TTLL5: variants seen among roughly 807,000 people sequenced by gnomAD.
TTLL5 encodes the protein tubulin tyrosine ligase like 5.
TTLL5 carries 132 observed loss-of-function variants against 168.4 expected under a neutral mutation model. The observed-to-expected ratio is 0.78, with a 90% confidence interval of 0.68 to 0.91. The LOEUF (loss-of-function observed/expected upper bound fraction) is 0.91. Among genes scored for constraint, TTLL5 ranks in the 40% least tolerant of loss-of-function variants. The pLI is 0.00. For missense variants in TTLL5, 1,545 were observed against 1,581.5 expected, an observed-to-expected ratio of 0.98 and a Z score of 0.39; for synonymous variants, 546 against 558.6, an observed-to-expected ratio of 0.98 and a Z score of 0.32.
Position 75,713,049 on chromosome 14 carries a change from A to G in TTLL5, c.741-4812A>G, listed in dbSNP as rs781368345. Among the ~76,000 whole-genome samples, 31 of 152,298 alleles carry G rather than the reference A, an allele frequency of 2.0e-4. No individual in the cohort carries two copies. The Middle Eastern group carries it at 0.01, about 50-fold the overall frequency. ...AAAGCCTTAAAGGTCTGTCGTGAGA[A>G]CTTTCCTAAATCTTGATCTCATTAA... On this transcript the variant is annotated intron_variant, in intron 9 of 31. Transcript: ENST00000298832.
chr14:75,720,108 C>T (rs1887747734), intron 11 of TTLL5, among the ~76,000 whole-genome samples: 1 of 152,146 alleles, frequency 6.6e-6, no homozygotes, highest in Non-Finnish European at 1.5e-5. Flanking sequence ...ATATGGTCAG[C>T]TTTTTATATA....
At chr14:75,843,877 G>GTTTTATTTTATTTTATTTTA (rs1555350794) in intron 28 of TTLL5, among the ~76,000 whole-genome samples, 6,335 of 130,620 alleles carry the variant, frequency 0.048, 312 homozygotes, top group Non-Finnish European at 0.065. Context: ...GTTTTGTTTT[G>GTTTTATTTTATTTTATTTTA]TTTTATTTTA....
At chr14:75,866,828 C>T (rs757968897) in intron 29 of TTLL5, among the ~76,000 whole-genome samples, 2 of 152,180 alleles carry the variant, frequency 1.3e-5, no homozygotes, top group Non-Finnish European at 2.9e-5. Context: ...ACTTAATCCA[C>T]TCCTGCAAAA....
intron 28 of TTLL5, among the ~76,000 whole-genome samples, chr14:75,849,876 G>A (rs375071820): frequency 1.3e-5 from 2 of 152,112 alleles, no homozygotes; most frequent in Non-Finnish European, 2.9e-5. Context: ...TGAAGCAGGT[G>A]GATTGCTTGA....
At chr14:75,842,764 A>G (rs1364084586) in intron 28 of TTLL5, among the ~76,000 whole-genome samples, 1 of 152,170 alleles carries the variant, frequency 6.6e-6, no homozygotes, top group African/African-American at 2.4e-5. Context: ...TGGGAACCAA[A>G]TGTTGGCTAG....
chr14:75,742,017 A>G (rs1889304849), intron 15 of TTLL5, among the ~76,000 whole-genome samples: 1 of 152,216 alleles, frequency 6.6e-6, no homozygotes, highest in South Asian at 2.1e-4. Flanking sequence ...ATACCCAGGA[A>G]TTGGAAGTTC....
chr14:75,922,849 C>T lies in TTLL5; in HGVS notation c.3823+20625C>T, dbSNP rs147154262. On this transcript the variant is annotated intron_variant, in intron 31 of 31. Transcript: ENST00000298832. Reference sequence around the variant, plus strand: ...CTCTGGTAGAATTCGGCTGTGAGTCCGACAGGTCCTGGACTTTTTTTGGTT... The same window carrying T: ...CTCTGGTAGAATTCGGCTGTGAGTCTGACAGGTCCTGGACTTTTTTTGGTT... 6.1e-3 allele frequency among the ~76,000 whole-genome samples: 921 copies of T among 152,172 alleles called. 9 individuals carry two copies. Among genetic ancestry groups the T allele is most frequent in the African/African-American group, 0.02 (829 of 41,494 alleles).
At position 75,677,388 on chromosome 14, in the gene TTLL5, CTCTTT is replaced by C. The variant is rs1264608125; in HGVS notation, c.182-4155_182-4151del. Among the ~76,000 whole-genome samples, 3 of 135,330 alleles carry C rather than the reference CTCTTT, an allele frequency of 2.2e-5. No homozygotes were observed. In the Admixed American group the frequency reaches 2.4e-4, roughly 11 times the overall value. 88.8% of individuals were successfully genotyped at this position (135,330 alleles called of 152,430 possible). ...CTAGAGATTCTCTTTCTCTCTCTCT[CTCTTT>C]TTTTTTTTTTTTTTTTTTTTGAGAC... On this transcript the variant is annotated intron_variant, in intron 3 of 31. Coordinates refer to ENST00000298832, the MANE Select transcript of TTLL5 (RefSeq NM_015072.5).
At chr14:75,771,167 A>G (rs944070021) in intron 20 of TTLL5, among the ~76,000 whole-genome samples, 2 of 152,256 alleles carry the variant, frequency 1.3e-5, no homozygotes, top group Admixed American at 6.5e-5. Flanking sequence ...TCAGGCCTAT[A>G]TGTAATCCCA....
intron 15 of TTLL5, 145 bp from the exon 16 acceptor site, chr14:75,744,950 T>G: frequency 1.5e-6 from 1 of 656,626 alleles, no homozygotes; most frequent in Non-Finnish European, 2.5e-6. Flanking sequence ...GGTTCCAGGC[T>G]GAGATTAATT....
intron 18 of TTLL5, among the ~76,000 whole-genome samples, chr14:75,760,509 A>G (rs1417934627): frequency 1.3e-5 from 2 of 152,100 alleles, no homozygotes; most frequent in South Asian, 2.1e-4. Flanking sequence ...ATATTCAAAT[A>G]CAAAGGACTC....
intron 27 of TTLL5, among the ~76,000 whole-genome samples, chr14:75,816,401 ACT>A (rs1894398996): frequency 6.6e-6 from 1 of 152,104 alleles, no homozygotes. Context: ...ACAGAGTGAG[ACT>A]CTGTCTCCAA....
chr14:75,675,271 T>A (rs1884052599), intron 3 of TTLL5, among the ~76,000 whole-genome samples: 1 of 152,230 alleles, frequency 6.6e-6, no homozygotes, highest in Non-Finnish European at 1.5e-5. Context: ...TATGTTGCCA[T>A]TAAAGGAGTT....
In TTLL5 at chr14:75,720,168, A is replaced by T. The variant is rs561842484; in HGVS notation, c.934+342A>T. Among the ~76,000 whole-genome samples, 11 of 152,286 alleles carry T rather than the reference A, an allele frequency of 7.2e-5. No individual in the cohort carries two copies. The South Asian group carries it at 2.1e-3, about 29-fold the overall frequency. ...CCCCAAGTTTCGAGTTTTCTAAGTT[A>T]ATCTCTCTCATTCATGTTGCTGAGT... On this transcript the variant is annotated intron_variant, in intron 11 of 31. Transcript: ENST00000298832.
chr14:75,825,401 T>C (rs1170401237), intron 28 of TTLL5, among the ~76,000 whole-genome samples: 1 of 152,132 alleles, frequency 6.6e-6, no homozygotes, highest in Non-Finnish European at 1.5e-5. Flanking sequence ...AAGAGACTCT[T>C]CCTTTTTCTT....
chr14:75,715,513 T>G (rs951231819), intron 9 of TTLL5, among the ~76,000 whole-genome samples: 2 of 152,116 alleles, frequency 1.3e-5, no homozygotes, highest in East Asian at 3.9e-4. Flanking sequence ...TTATTTACTA[T>G]GGATTTTAGT....
rs149298288 is a variant in TTLL5 at position 75,800,408 on chromosome 14, G to A, written c.3171+7308G>A. Among the ~76,000 whole-genome samples the A allele has an allele frequency of 4.2e-3, 643 of 151,926 alleles. 8 individuals carry two copies. The highest frequency in any genetic ancestry group is 0.015 in the African/African-American group (603 of 41,434). On this transcript the variant is annotated intron_variant, in intron 27 of 31. Coordinates refer to ENST00000298832, the MANE Select transcript of TTLL5 (RefSeq NM_015072.5). ...TTATTTTTTTAGTTTCTTTAAATTGGTTTCCACCTTTCCCTGGTGCCTCCT... is the reference window on the plus strand; with the variant it reads ...TTATTTTTTTAGTTTCTTTAAATTGATTTCCACCTTTCCCTGGTGCCTCCT...
At chr14:75,748,804 G>C (rs1373133485) in intron 17 of TTLL5, among the ~76,000 whole-genome samples, 2 of 152,126 alleles carry the variant, frequency 1.3e-5, no homozygotes, top group Non-Finnish European at 2.9e-5. Flanking sequence ...AATCTAATGG[G>C]AGTAAAATAT....
chr14:75,746,426 A>G (rs942138818), intron 17 of TTLL5, among the ~76,000 whole-genome samples: 11 of 151,420 alleles, frequency 7.3e-5, no homozygotes, highest in African/African-American at 2.7e-4. Context: ...TCTTTTCGTC[A>G]TTTTCAGGCT....
Sources: allele counts gnomAD v4.1 joint callset (sites outside exome capture counted in the v4.1 genomes callset), GRCh38; gene constraint gnomAD v4.1.1; transcripts MANE v1.5; gene names NCBI Gene and HGNC (gene_info 2026-07-23, HGNC 2026-07-21).